ZNF559: variants seen among roughly 807,000 people sequenced by gnomAD.
ZNF559 encodes zinc finger protein 559, also known as putative protein product of Nbla00121.
In ZNF559, 17 loss-of-function variants were observed where a neutral mutation model predicts 14.2. The observed-to-expected ratio is 1.20, with a 90% CI of 0.82 to 1.80. The LOEUF (loss-of-function observed/expected upper bound fraction) is 1.80. Among genes scored for constraint, ZNF559 ranks in the 40% most tolerant of loss-of-function variants. The pLI is 0.00. For missense variants in ZNF559, 740 were observed against 629.7 expected, an observed-to-expected ratio of 1.18 and a Z score of -1.88; for synonymous variants, 244 against 212.4, an observed-to-expected ratio of 1.15 and a Z score of -1.29.
intron 2 of ZNF559, among the ~76,000 whole-genome samples, chr19:9,326,122 T>C (rs1337427998): frequency 7.0e-6 from 1 of 142,082 alleles, no homozygotes; most frequent in Non-Finnish European, 1.5e-5. Flanking sequence ...TTTTTTTTTT[T>C]TTTTTTTTTG....
In ZNF559 at chr19:9,342,653, AGACTCATCCT is replaced by A. The variant is rs1212321408; in HGVS notation, c.1204_1213del (p.Thr402ValfsTer2). ...TCCTCTTCCTTTAAAAGTCACATGCAGACTCATCCTGGTGTAAAACCCTATGACTGTCAAC... is the reference window on the plus strand; with the variant it reads ...TCCTCTTCCTTTAAAAGTCACATGCAGGTGTAAAACCCTATGACTGTCAAC... On this transcript the variant is annotated frameshift_variant, in exon 7 of 7. Coordinates refer to ENST00000603380, the MANE Select transcript of ZNF559 (RefSeq NM_032497.3). LOFTEE classifies it low-confidence loss of function (END_TRUNC). 6.2e-7 allele frequency: 1 copy of A among 1,614,090 alleles called. No individual in the cohort carries two copies. The highest frequency in any genetic ancestry group is 8.5e-7 in the Non-Finnish European group (1 of 1,179,996).
In ZNF559 at chr19:9,341,818, C is replaced by A; in HGVS notation, c.367C>A (p.Gln123Lys). 3 of 1,611,146 alleles carry A rather than the reference C, an allele frequency of 1.9e-6. No individual in the cohort carries two copies. Among genetic ancestry groups the A allele is most frequent in the Non-Finnish European group, 1.7e-6 (2 of 1,179,290 alleles). Residue 123 changes from glutamine (Q) to lysine (K), a missense_variant, in exon 7 of 7, where the codon CAA becomes AAA. By Grantham distance (53) the Gln-to-Lys change is moderately conservative (BLOSUM62 1). Transcript: ENST00000603380. ...TAGAAAGAAAACCTGTGAGTGTAAT[C>A]AATGTGAAAAAGCCTTCAGAAAACC... The part of the protein sequence containing the change: ...YFRKKTCECN[Q>K]CEKAFRKPSI...
chr19:9,339,433 T>C (rs963294830), intron 5 of ZNF559, 114 bp downstream of exon 5: 4 of 1,247,206 alleles, frequency 3.2e-6, no homozygotes, highest in South Asian at 1.5e-5. Context: ...AGGCGAAACA[T>C]TGTTTCCATC....
At chr19:9,324,136 T>TGGTCCTAGCC (rs1317638849), upstream of ZNF559, 37 of 1,533,398 alleles carry the variant, frequency 2.4e-5, no homozygotes, top group East Asian at 9.1e-4. Context: ...GCCCCCTAGG[T>TGGTCCTAGCC]GGTCCTAGCC....
chr19:9,324,070 C>G, upstream of ZNF559: 1 of 1,313,546 alleles, frequency 7.6e-7, no homozygotes, highest in Non-Finnish European at 1.0e-6. Context: ...CATTTCCTCT[C>G]AGCTCTGGGT....
chr19:9,333,857 C>T (rs765101589), intron 2 of ZNF559, among the ~76,000 whole-genome samples: 18 of 151,952 alleles, frequency 1.2e-4, no homozygotes, highest in Admixed American at 3.3e-4. Context: ...GCAGGCTCTT[C>T]GCAAAACTGA....
chr19:9,332,367 A>AT (rs2066985244), intron 2 of ZNF559, among the ~76,000 whole-genome samples: 1 of 151,990 alleles, frequency 6.6e-6, no homozygotes, highest in African/African-American at 2.4e-5. Context: ...ATATATATAT[A>AT]TATCACTGTA....
chr19:9,324,298 A>AG (rs1365994630), intron 1 of ZNF559, 70 bp downstream of exon 1: 44 of 1,535,600 alleles, frequency 2.9e-5, no homozygotes, highest in Non-Finnish European at 3.7e-5. Flanking sequence ...AAGGGTGGAA[A>AG]GGGGAGGTGC....
At position 9,343,491 on chromosome 19, in the gene ZNF559, C is replaced by A. The variant is rs2067665695; in HGVS notation, c.*423C>A. The A allele has an allele frequency of 9.8e-7, 1 of 1,025,154 alleles. No individual in the cohort carries two copies. Among genetic ancestry groups the A allele is most frequent in the Non-Finnish European group, 1.2e-6 (1 of 852,834 alleles). 63.5% of individuals were successfully genotyped at this position (1,025,154 alleles called of 1,614,324 possible). On this transcript the variant is annotated 3_prime_UTR_variant, in exon 7 of 7. Transcript: ENST00000603380. ...TCTGGCTGTAAGGAATGTGTTGAAA[C>A]CTTTCACTCTGCCTTATACCTTAAT...
At chr19:9,333,673 G>C (rs905637692) in intron 2 of ZNF559, among the ~76,000 whole-genome samples, 1 of 151,816 alleles carries the variant, frequency 6.6e-6, no homozygotes, top group Non-Finnish European at 1.5e-5. Context: ...CTGGGCAACA[G>C]AACAGGGCCC....
At position 9,342,029 on chromosome 19, in the gene ZNF559, G is replaced by T; in HGVS notation, c.578G>T (p.Gly193Val). The T allele has an allele frequency of 6.2e-7, 1 of 1,610,860 alleles. No homozygotes were observed. The highest frequency in any genetic ancestry group is 8.5e-7 in the Non-Finnish European group (1 of 1,178,954). Residue 193 changes from glycine to valine, a missense_variant, in exon 7 of 7, where the codon GGC (glycine) becomes GTC (valine). Coordinates refer to ENST00000603380, the MANE Select transcript of ZNF559 (RefSeq NM_032497.3). ...TATAAATGCAGTGACTGTGAAAAAG[G>T]CTTACCTTCCTCCTCACACCTCAGA... ...KPYKCSDCEK[G>V]LPSSSHLREC...
Position 9,324,757 on chromosome 19 carries a change from A to T in ZNF559, c.-143A>T. 1 of 1,535,428 alleles carries T rather than the reference A, an allele frequency of 6.5e-7. No homozygotes were observed. The highest frequency in any genetic ancestry group is 1.2e-5 in the South Asian group (1 of 84,044). ...GCTTGGTGTCCTCCTGGCCTCAGCA[A>T]CCTGACAATTCTGTCGTGTCCCGGT... On this transcript the variant is annotated 5_prime_UTR_variant, in exon 2 of 7. Transcript: ENST00000603380.
intron 6 of ZNF559, 177 bp from the exon 7 acceptor site, chr19:9,341,518 G>T: frequency 2.6e-6 from 3 of 1,165,014 alleles, no homozygotes; most frequent in South Asian, 1.3e-5. Context: ...CAGTCACTTT[G>T]TTCCACTTGA....
rs750474080 is a variant in ZNF559 at position 9,341,966 on chromosome 19, A to C, written c.515A>C (p.His172Pro). ...TGCAAGAAAACTAGCCAAAATCTAC[A>C]TCTTGTTTGCAAGAAAACTCACACT... is the stretch of plus-strand genomic sequence containing the variant. ...LVCKKTSQNL[H>P]LVCKKTHTQE... The change falls in exon 7 of 7, where the codon CAT (histidine) becomes CCT (proline). Residue 172 changes from histidine (H) to proline (P), a missense_variant. Transcript: ENST00000603380. 1.5e-5 allele frequency: 24 copies of C among 1,613,676 alleles called. No individual in the cohort carries two copies. The highest frequency in any genetic ancestry group is 1.9e-5 in the Non-Finnish European group (23 of 1,179,930).
intron 1 of ZNF559, 82 bp from the exon 2 acceptor site, chr19:9,324,613 G>A: frequency 8.9e-7 from 1 of 1,126,394 alleles, no homozygotes; most frequent in Non-Finnish European, 1.2e-6. Flanking sequence ...GGGCAACATA[G>A]GGAGACCCCC....
chr19:9,337,709 T>A, intron 2 of ZNF559, 87 bp from the exon 3 acceptor site: 1 of 962,670 alleles, frequency 1.0e-6, no homozygotes, highest in Non-Finnish European at 1.4e-6. Flanking sequence ...GGCACATGGG[T>A]ACTAGGTAAA....
At position 9,338,484 on chromosome 19, in the gene ZNF559, T is replaced by C. The variant is rs577214917; in HGVS notation, c.-56-10T>C. 9 of 1,608,006 alleles carry C rather than the reference T, an allele frequency of 5.6e-6. No individual in the cohort carries two copies. The South Asian group carries it at 8.8e-5, about 16-fold the overall frequency. On this transcript the variant is annotated splice_polypyrimidine_tract_variant and intron_variant, in intron 3 of 6. Transcript: ENST00000603380. ...GCCTGGATTCTCAGATTTTATTTCT[T>C]CTTCTTAAGATCATCTTTCTCAAGA...
At chr19:9,340,514 C>CTATAA (rs983957336) in intron 5 of ZNF559, among the ~76,000 whole-genome samples, 12 of 144,028 alleles carry the variant, frequency 8.3e-5, no homozygotes, top group African/African-American at 3.2e-4. Flanking sequence ...TTTTTGTTCA[C>CTATAA]TATAAAGTCT....
In ZNF559 at chr19:9,339,238, G is replaced by T. The variant is rs763226737; in HGVS notation, c.79G>T (p.Glu27Ter). Residue 27 changes from glutamate (E) to a stop codon, truncating the protein, a stop_gained, in exon 5 of 7, where the codon GAG becomes TAG. Transcript: ENST00000603380. LOFTEE classifies it high-confidence loss of function. ...TGTGGCTGTGGACTTCACCCAGGAG[G>T]AGTGGACTTTGCTGGATCAAACTCA... is the stretch of plus-strand genomic sequence containing the variant. The part of the protein sequence containing the change: ...EDVAVDFTQE[E>*]WTLLDQTQRN... 1 of 1,613,922 alleles carries T rather than the reference G, an allele frequency of 6.2e-7. No individual in the cohort carries two copies. Among genetic ancestry groups the T allele is most frequent in the African/African-American group, 1.3e-5 (1 of 74,914 alleles).
Sources: allele counts gnomAD v4.1 joint callset (sites outside exome capture counted in the v4.1 genomes callset), GRCh38; gene constraint gnomAD v4.1.1; transcripts MANE v1.5; gene names NCBI Gene and HGNC (gene_info 2026-07-23, HGNC 2026-07-21).